ZFAND2A: variants seen among roughly 807,000 people sequenced by gnomAD.
The protein encoded by ZFAND2A is AN1-type zinc finger protein 2A.
In ZFAND2A, 20 loss-of-function variants were observed where a neutral mutation model predicts 11.6. That is an observed-to-expected ratio of 1.72 (90% confidence interval 1.21 to 2.50). The LOEUF is 2.50. Among genes scored for constraint, ZFAND2A ranks in the 30% most tolerant of loss-of-function variants. The probability of loss-of-function intolerance (pLI) is 0.00; values close to 1 mark genes in which losing one functional copy is unlikely to be tolerated. For synonymous variants in ZFAND2A, 93 were observed against 60.6 expected, an observed-to-expected ratio of 1.54 and a Z score of -2.48; for missense variants, 234 against 182.9, an observed-to-expected ratio of 1.28 and a Z score of -1.61.
chr7:1,152,579 T>G (rs1454776156), downstream of ZFAND2A, among the ~76,000 whole-genome samples: 1 of 152,110 alleles, frequency 6.6e-6, no homozygotes, highest in Non-Finnish European at 1.5e-5. Context: ...GACCTCAGAG[T>G]GTGACCTTCT....
At chr7:1,157,858 A>C in intron 2 of ZFAND2A, 108 bp from the exon 3 acceptor site, 1 of 865,986 alleles carries the variant, frequency 1.2e-6, no homozygotes, top group Non-Finnish European at 1.8e-6. Context: ...TATGAGATGG[A>C]CAGGTCCTCG....
downstream of ZFAND2A, among the ~76,000 whole-genome samples, chr7:1,151,057 ATT>A: frequency 6.6e-6 from 1 of 151,834 alleles, no homozygotes; most frequent in South Asian, 2.1e-4. Context: ...CACCTGGCTA[ATT>A]TTTGTTTTAG....
intron 2 of ZFAND2A, 103 bp from the exon 3 acceptor site, chr7:1,157,853 G>C (rs753931406): frequency 2.1e-6 from 2 of 943,974 alleles, no homozygotes; most frequent in Non-Finnish European, 3.1e-6. Context: ...AGGCCTATGA[G>C]ATGGACAGGT....
rs761058962 is a variant in ZFAND2A, at chr7:1,157,766, CAG to C, written c.56-18_56-17del. 141 of 1,533,914 alleles carry C rather than the reference CAG, an allele frequency of 9.2e-5. No homozygotes were observed. The highest frequency in any genetic ancestry group is 1.2e-4 in the Non-Finnish European group (136 of 1,140,108). On this transcript the variant is annotated splice_polypyrimidine_tract_variant and intron_variant, in intron 2 of 4. Coordinates refer to ENST00000316495, the MANE Select transcript of ZFAND2A (RefSeq NM_182491.4). ...GGAAGAAAATCTAAAAAACAAAAAA[CAG>C]GGAAGTGTTTTAACGACTGGAACAA...
At position 1,155,005 on chromosome 7, in the gene ZFAND2A, C is replaced by T. The variant is rs576135359; in HGVS notation, c.282+448G>A. Among the ~76,000 whole-genome samples the T allele has an allele frequency of 1.8e-3, 269 of 152,310 alleles. 3 individuals carry two copies. Among genetic ancestry groups the T allele is most frequent in the Non-Finnish European group, 1.8e-3 (125 of 68,028 alleles). On this transcript the variant is annotated intron_variant, in intron 4 of 4. Transcript: ENST00000316495. ...TGGTGGCATGCGCCTGTAGTCCCAG[C>T]TACTCGGGAGGCTGAGACAGGAGAA...
In ZFAND2A at chr7:1,153,593, G is replaced by A. The variant is rs545508648; in HGVS notation, c.283-369C>T. ...AACATTCCCATTTAAACTGGACACA[G>A]TTCCTGTCTGCACAGAGTACAGATG... On this transcript the variant is annotated intron_variant, in intron 4 of 4. Transcript: ENST00000316495. 8.5e-5 allele frequency among the ~76,000 whole-genome samples: 13 copies of A among 152,298 alleles called. No individual in the cohort carries two copies. In the South Asian group the frequency reaches 2.7e-3, roughly 32 times the overall value.
chr7:1,158,149 A>G lies in ZFAND2A; in HGVS notation c.55+9T>C, dbSNP rs1256115557. 6.2e-7 allele frequency: 1 copy of G among 1,613,136 alleles called. No homozygotes were observed. The highest frequency in any genetic ancestry group is 1.1e-5 in the South Asian group (1 of 90,774). On this transcript the variant is annotated intron_variant, in intron 2 of 4. Transcript: ENST00000316495. Reference sequence around the variant, plus strand: ...ACCATTTTCTATTAAGTCTCTTAAAAGTACTCACCTAGCTGCTTGCAAGTC... The same window carrying G: ...ACCATTTTCTATTAAGTCTCTTAAAGGTACTCACCTAGCTGCTTGCAAGTC...
intron 1 of ZFAND2A, among the ~76,000 whole-genome samples, chr7:1,158,991 G>A (rs1487871752): frequency 2.0e-5 from 3 of 152,052 alleles, no homozygotes; most frequent in Non-Finnish European, 2.9e-5. Flanking sequence ...ACTCCTGGAG[G>A]CCTCCTAGAC....
In ZFAND2A at chr7:1,157,759, C is replaced by T; in HGVS notation, c.56-9G>A. The T allele has an allele frequency of 1.3e-6, 2 of 1,536,968 alleles. No homozygotes were observed. Among genetic ancestry groups the T allele is most frequent in the Non-Finnish European group, 1.7e-6 (2 of 1,144,352 alleles). On this transcript the variant is annotated splice_polypyrimidine_tract_variant and intron_variant, in intron 2 of 4. Coordinates refer to ENST00000316495, the MANE Select transcript of ZFAND2A (RefSeq NM_182491.4). ...TTTTACTGGAAGAAAATCTAAAAAA[C>T]AAAAAACAGGGAAGTGTTTTAACGA...
chr7:1,153,396 G>A (rs995083917), intron 4 of ZFAND2A, among the ~76,000 whole-genome samples, 172 bp from the exon 5 acceptor site: 6 of 151,948 alleles, frequency 3.9e-5, no homozygotes, highest in African/African-American at 1.5e-4. Flanking sequence ...GGCACACACC[G>A]CCACGTCCAG....
chr7:1,158,352 G>A (rs975724803), intron 1 of ZFAND2A, 95 bp from the exon 2 acceptor site: 13 of 768,782 alleles, frequency 1.7e-5, no homozygotes, highest in Admixed American at 1.5e-4. Context: ...GTCAACAAAC[G>A]CACTGTGTGG....
chr7:1,159,045 G>A (rs1263666810), intron 1 of ZFAND2A, among the ~76,000 whole-genome samples: 3 of 152,094 alleles, frequency 2.0e-5, no homozygotes, highest in Non-Finnish European at 4.4e-5. Flanking sequence ...CAAACGTCTA[G>A]TTATCCCCTC....
chr7:1,149,087 T>C (rs1169174711), downstream of ZFAND2A, among the ~76,000 whole-genome samples: 1 of 152,114 alleles, frequency 6.6e-6, no homozygotes, highest in African/African-American at 2.4e-5. Context: ...CATAAGCCAC[T>C]GGGCCCGGCT....
chr7:1,152,793 C>A, downstream of ZFAND2A: 1 of 556,532 alleles, frequency 1.8e-6, no homozygotes. Context: ...CTGCCGACAT[C>A]CTGCGCCTGG....
Position 1,153,196 on chromosome 7 carries a change from C to T in ZFAND2A, c.311G>A (p.Gly104Asp). 6.2e-7 allele frequency: 1 copy of T among 1,614,010 alleles called. No homozygotes were observed. Among genetic ancestry groups the T allele is most frequent in the Non-Finnish European group, 8.5e-7 (1 of 1,179,884 alleles). ...CTGCAGCATCTCTTTCTTCTTGCAG[C>T]CCTCTTTTGAGCAACGGTATGTAAA... ...KIFTYRCSKE[G>D]CKKKEMLQMV... The change falls in exon 5 of 5, where the codon GGC (glycine) becomes GAC (aspartate). Residue 104 changes from glycine (G) to aspartate (D), a missense_variant. Coordinates refer to ENST00000316495, the MANE Select transcript of ZFAND2A (RefSeq NM_182491.4).
intron 2 of ZFAND2A, 70 bp downstream of exon 2, chr7:1,158,088 T>TAATTAAC (rs1290374885): frequency 2.7e-5 from 39 of 1,451,982 alleles, no homozygotes; most frequent in Admixed American, 8.5e-5. Flanking sequence ...AATTATCAGC[T>TAATTAAC]AATTAACAGA....
intron 4 of ZFAND2A, among the ~76,000 whole-genome samples, chr7:1,153,894 T>C (rs534451755): frequency 7.2e-5 from 11 of 152,056 alleles, no homozygotes; most frequent in Middle Eastern, 3.4e-3. Flanking sequence ...TGAGCTGAGA[T>C]TGTGCCACTG....
rs1279754011 is a variant in ZFAND2A, at chr7:1,158,263, A to G, written c.-45-6T>C. The G allele has an allele frequency of 2.6e-6, 4 of 1,554,312 alleles. No individual in the cohort carries two copies. The highest frequency in any genetic ancestry group is 1.7e-4 in the Middle Eastern group (1 of 5,928). On this transcript the variant is annotated splice_region_variant and splice_polypyrimidine_tract_variant and intron_variant, in intron 1 of 4. Transcript: ENST00000316495. Reference sequence around the variant, plus strand: ...ATGGCGGAGTTAAGTGTCACCTACAAGAGAATCAGAATAGTTAGGAGGAAA... The same window carrying G: ...ATGGCGGAGTTAAGTGTCACCTACAGGAGAATCAGAATAGTTAGGAGGAAA...
At chr7:1,150,035 T>C (rs910346057), downstream of ZFAND2A, among the ~76,000 whole-genome samples, 1 of 151,922 alleles carries the variant, frequency 6.6e-6, no homozygotes, top group Non-Finnish European at 1.5e-5. Context: ...GTATTTTTAG[T>C]AGGGACAGGG....
Sources: allele counts gnomAD v4.1 joint callset (sites outside exome capture counted in the v4.1 genomes callset), GRCh38; gene constraint gnomAD v4.1.1; transcripts MANE v1.5; gene names NCBI Gene and HGNC (gene_info 2026-07-23, HGNC 2026-07-21).